Variants in PALM2AKAP2 observed in about 807,000 individuals in gnomAD.
PALM2AKAP2 encodes PALM2 and AKAP2 fusion.
Under a neutral mutation model 71.5 loss-of-function variants are expected in PALM2AKAP2, and 37 were observed. The observed-to-expected ratio is 0.52, with a 90% CI of 0.40 to 0.68. The LOEUF (loss-of-function observed/expected upper bound fraction) is 0.68, where lower values mean the gene tolerates loss of function less well. PALM2AKAP2 is among the 30% of genes least tolerant of loss of function. The pLI is 0.00. For synonymous variants in PALM2AKAP2, 468 were observed against 478.8 expected (o/e 0.98, Z 0.29); for missense variants, 1,224 against 1,191.8 (o/e 1.03, Z -0.40).
chr9:109,723,108 G>C (rs564782560), intron 1 of PALM2AKAP2, among the ~76,000 whole-genome samples: 2 of 152,296 alleles, frequency 1.3e-5, no homozygotes, highest in East Asian at 3.9e-4. Flanking sequence ...TGTAAAATTT[G>C]TTAGGGCAAC....
chr9:109,967,772 C>A (rs1219889719), intron 6 of PALM2AKAP2, among the ~76,000 whole-genome samples: 1 of 152,184 alleles, frequency 6.6e-6, no homozygotes, highest in East Asian at 1.9e-4. Context: ...AAAACCACCA[C>A]AATGGCCTGC....
At chr9:110,168,736 T>A in exon 4 of PALM2AKAP2, 1 of 463,582 alleles carries the variant, frequency 2.2e-6, no homozygotes, top group Non-Finnish European at 3.8e-6. Flanking sequence ...TCAATCCCAG[T>A]GTCTGGTTTG....
intron 1 of PALM2AKAP2, among the ~76,000 whole-genome samples, chr9:109,741,241 T>C (rs1478350042): frequency 6.6e-6 from 1 of 152,228 alleles, no homozygotes; most frequent in Non-Finnish European, 1.5e-5. Context: ...AGTCTGGGTT[T>C]CTTTCACTCA....
At chr9:109,866,347 T>C (rs1829447878) in intron 1 of PALM2AKAP2, among the ~76,000 whole-genome samples, 1 of 152,190 alleles carries the variant, frequency 6.6e-6, no homozygotes, top group Non-Finnish European at 1.5e-5. Context: ...AGTTTCTCCC[T>C]GCATATGTGA....
chr9:109,681,520 TAAC>T (rs1013688610), intron 1 of PALM2AKAP2, among the ~76,000 whole-genome samples: 1 of 152,166 alleles, frequency 6.6e-6, no homozygotes, highest in African/African-American at 2.4e-5. Context: ...TGCCTGCAGA[TAAC>T]ATACAATCCA....
intron 1 of PALM2AKAP2, among the ~76,000 whole-genome samples, chr9:109,796,117 C>G (rs1827245609): frequency 6.6e-6 from 1 of 152,196 alleles, no homozygotes; most frequent in Non-Finnish European, 1.5e-5. Context: ...TGTTCTGTAT[C>G]TTGGACTCCT....
intron 1 of PALM2AKAP2, among the ~76,000 whole-genome samples, chr9:109,831,077 T>A (rs1285271521): frequency 2.6e-5 from 4 of 151,514 alleles, no homozygotes; most frequent in Admixed American, 1.3e-4. Flanking sequence ...CAATTGGAGG[T>A]GAGATTTTTA....
At chr9:109,939,669 G>A (rs901154055) in intron 6 of PALM2AKAP2, among the ~76,000 whole-genome samples, 1 of 152,160 alleles carries the variant, frequency 6.6e-6, no homozygotes, top group Non-Finnish European at 1.5e-5. Flanking sequence ...TCAAGAACAG[G>A]CTTTTGGAGT....
chr9:109,648,929 C>A (rs577237278), intron 1 of PALM2AKAP2, among the ~76,000 whole-genome samples: 2 of 152,098 alleles, frequency 1.3e-5, no homozygotes, highest in Non-Finnish European at 2.9e-5. Context: ...ATGTTTTTAG[C>A]CCCTCATAAT....
chr9:110,071,119 A>G lies in PALM2AKAP2; in HGVS notation c.156+22264A>G, dbSNP rs188313536. On this transcript the variant is annotated intron_variant, in intron 1 of 3. Coordinates refer to ENST00000374525, the Ensembl canonical transcript of PALM2AKAP2. ...GCGGAGGCTGCAGGGAGCCCAGATC[A>G]TGCCACTGCACTCCAGCCTGGGCAA... Among the ~76,000 whole-genome samples the G allele has an allele frequency of 5.8e-3, 806 of 137,986 alleles. 6 individuals carry two copies. Among genetic ancestry groups the G allele is most frequent in the African/African-American group, 0.021 (746 of 36,246 alleles). The allele number at this position is 137,986 out of a possible 152,430, so 90.5% of individuals were successfully genotyped here. A position where few individuals can be genotyped will look rare whatever the true frequency, so the allele number is the denominator to read the frequency against.
At chr9:109,801,261 C>T (rs1214972206) in intron 1 of PALM2AKAP2, among the ~76,000 whole-genome samples, 1 of 152,126 alleles carries the variant, frequency 6.6e-6, no homozygotes, top group African/African-American at 2.4e-5. Flanking sequence ...GGAAGATACC[C>T]CCAGGGATAG....
At chr9:109,763,213 G>C (rs945891065) in intron 1 of PALM2AKAP2, among the ~76,000 whole-genome samples, 1 of 152,022 alleles carries the variant, frequency 6.6e-6, no homozygotes, top group Non-Finnish European at 1.5e-5. Context: ...GAGGGCGGAG[G>C]GACCACAAAA....
chr9:109,682,574 C>G (rs1025239293), intron 1 of PALM2AKAP2, among the ~76,000 whole-genome samples: 2 of 152,204 alleles, frequency 1.3e-5, no homozygotes, highest in Non-Finnish European at 2.9e-5. Context: ...TGACGACTTA[C>G]TACTAGACCT....
At chr9:109,909,291 T>C (rs1830520043) in intron 3 of PALM2AKAP2, among the ~76,000 whole-genome samples, 1 of 152,202 alleles carries the variant, frequency 6.6e-6, no homozygotes, top group African/African-American at 2.4e-5. Flanking sequence ...ATAAGACCAG[T>C]TTCTTTTTAA....
Position 109,660,336 on chromosome 9 carries a change from TC to T in PALM2AKAP2, c.5+19473del, listed in dbSNP as rs1405831238. Among the ~76,000 whole-genome samples the T allele has an allele frequency of 3.9e-5, 6 of 152,256 alleles. No individual in the cohort carries two copies. In the East Asian group the frequency reaches 1.2e-3, roughly 29 times the overall value. The stretch of plus-strand genomic sequence containing the variant: ...ACATTAGGTATTTCTCCTAATGCTA[TC>T]CCTCCCCAACCCCCCCAACTCCCGA... On this transcript the variant is annotated intron_variant, in intron 1 of 6. Coordinates refer to the PALM2AKAP2 transcript ENST00000374531.
At chr9:109,834,483 A>G (rs1828398856) in intron 1 of PALM2AKAP2, among the ~76,000 whole-genome samples, 1 of 152,192 alleles carries the variant, frequency 6.6e-6, no homozygotes, top group Admixed American at 6.5e-5. Context: ...CTTCCCAATC[A>G]TCATGTATTG....
chr9:109,880,680 A>G, exon 3 of PALM2AKAP2: 1 of 1,613,736 alleles, frequency 6.2e-7, no homozygotes, highest in Middle Eastern at 1.7e-4. Context: ...TAACATTCAG[A>G]GGTAGGTGGC....
At chr9:109,802,776 C>G (rs1233224995) in intron 1 of PALM2AKAP2, among the ~76,000 whole-genome samples, 1 of 152,220 alleles carries the variant, frequency 6.6e-6, no homozygotes, top group African/African-American at 2.4e-5. Context: ...AACATGGTAC[C>G]TGGCTGGGTG....
chr9:109,831,656 A>G (rs1828304756), intron 1 of PALM2AKAP2, among the ~76,000 whole-genome samples: 1 of 152,204 alleles, frequency 6.6e-6, no homozygotes, highest in African/African-American at 2.4e-5. Context: ...AAGGAAGTCT[A>G]AAGTCACCCA....
Sources: gnomAD v4.1 joint callset for allele counts (sites outside exome capture counted in the v4.1 genomes callset) on GRCh38, gnomAD v4.1.1 for gene constraint, MANE v1.5 for transcripts, NCBI Gene and HGNC (gene_info 2026-07-23, HGNC 2026-07-21) for gene names.